The following PKD1L3 variants were observed in gnomAD, a reference collection of about 807,000 sequenced individuals.
PKD1L3 encodes the protein polycystin-1-like protein 3.
A neutral mutation model predicts 184.1 loss-of-function variants in PKD1L3; 239 were observed. The ratio of observed to expected loss-of-function variants is 1.30; its 90% CI spans 1.17 to 1.45. The LOEUF (loss-of-function observed/expected upper bound fraction) is 1.45. Ranked by LOEUF, PKD1L3 falls within the 40% of genes most tolerant of loss-of-function variation. The probability of loss-of-function intolerance (pLI) is 0.00; values close to 1 mark genes in which losing one functional copy is unlikely to be tolerated. For synonymous variants in PKD1L3, 996 were observed against 778.8 expected, an observed-to-expected ratio of 1.28 and a Z score of -4.64; for missense variants, 2,660 against 2,067.2, an observed-to-expected ratio of 1.29 and a Z score of -5.56.
At chr16:71,950,088 G>A (rs1415235471) in intron 20 of PKD1L3, 30 bp downstream of exon 20, 37 of 1,548,672 alleles carry the variant, frequency 2.4e-5, no homozygotes, top group Non-Finnish European at 3.1e-5. Context: ...AGATTACAGG[G>A]GATAAAGAAG....
At chr16:71,981,150 C>T (rs2040134692) in intron 7 of PKD1L3, among the ~76,000 whole-genome samples, 1 of 152,182 alleles carries the variant, frequency 6.6e-6, no homozygotes, top group Admixed American at 6.5e-5. Context: ...GTTATCTCCA[C>T]TTTTTGGCTA....
In PKD1L3 at chr16:71,935,397, T is replaced by C. The variant is rs1368540312; in HGVS notation, c.4574A>G (p.His1525Arg). ...GCGGTATCGTGCCATGTTTTTCTTA[T>C]GTAGAGAAATACTCTTCATGTCAAG... is the stretch of plus-strand genomic sequence containing the variant. The part of the protein sequence containing the change: ...LGLDMKSISL[H>R]KKNMARYRDD... Residue 1525 changes from histidine to arginine, a missense_variant, in exon 26 of 30, where the codon CAT (histidine) becomes CGT (arginine). Transcript: ENST00000620267. 1.0e-5 allele frequency: 16 copies of C among 1,551,846 alleles called. No individual in the cohort carries two copies. The highest frequency in any genetic ancestry group is 3.3e-4 in the Middle Eastern group (2 of 5,992).
intron 10 of PKD1L3, 24 bp from the exon 11 acceptor site, chr16:71,977,491 T>G (rs1012615157): frequency 2.0e-6 from 3 of 1,491,090 alleles, no homozygotes; most frequent in Non-Finnish European, 2.7e-6. Context: ...CAGTTAATCA[T>G]TATAATGGTC....
chr16:71,988,888 G>A (rs1343546642), intron 4 of PKD1L3, among the ~76,000 whole-genome samples: 1 of 152,208 alleles, frequency 6.6e-6, no homozygotes, highest in Non-Finnish European at 1.5e-5. Flanking sequence ...TAAAAGATAA[G>A]CGTTATCTTA....
At chr16:71,986,075 G>T in intron 5 of PKD1L3, 146 bp downstream of exon 5, 1 of 1,057,112 alleles carries the variant, frequency 9.5e-7, no homozygotes, top group Non-Finnish European at 1.3e-6. Context: ...CTGTTTCCAT[G>T]GACTTGTTTA....
rs778745189 is a variant in PKD1L3, at chr16:71,963,247, C to A, written c.2570G>T (p.Arg857Leu). Reference protein sequence around the residue: ...AVDLGDCELDRVFIPVSKREL... With the variant: ...AVDLGDCELDLVFIPVSKREL... ...TCTCTTTGAAACTGGGATGAAGACCCGGTCAAGCTCACAGTCTCCGAGGTC... is the reference window on the plus strand; with the variant it reads ...TCTCTTTGAAACTGGGATGAAGACCAGGTCAAGCTCACAGTCTCCGAGGTC... The change falls in exon 16 of 30, where the codon CGG becomes CTG. Residue 857 changes from arginine to leucine, a missense_variant. Transcript: ENST00000620267. 3 of 1,550,824 alleles carry A rather than the reference C, an allele frequency of 1.9e-6. No homozygotes were observed. The highest frequency in any genetic ancestry group is 2.6e-6 in the Non-Finnish European group (3 of 1,146,546).
chr16:71,958,946 G>C (rs1211158335), intron 16 of PKD1L3, among the ~76,000 whole-genome samples: 2 of 151,028 alleles, frequency 1.3e-5, no homozygotes, highest in African/African-American at 4.9e-5. Context: ...AATTAGCCAG[G>C]CATGGCAGCG....
intron 11 of PKD1L3, among the ~76,000 whole-genome samples, chr16:71,976,841 CAGG>C (rs371859409): frequency 9.9e-5 from 15 of 152,096 alleles, no homozygotes; most frequent in African/African-American, 2.4e-4. Context: ...CTCCCAGGTT[CAGG>C]ACATTTTCCT....
At chr16:71,941,384 C>A (rs1056065365) in intron 24 of PKD1L3, among the ~76,000 whole-genome samples, 1 of 151,100 alleles carries the variant, frequency 6.6e-6, no homozygotes, top group Admixed American at 6.6e-5. Flanking sequence ...TTAAATACTG[C>A]AGATATTAGA....
At chr16:71,980,180 C>T (rs979711668) in intron 7 of PKD1L3, 46 bp from the exon 8 acceptor site, 4 of 1,530,166 alleles carry the variant, frequency 2.6e-6, no homozygotes, top group African/African-American at 1.4e-5. Context: ...ACCTCAGTGT[C>T]TTATGTTAGT....
chr16:71,929,961 T>TA, intron 29 of PKD1L3, 91 bp downstream of exon 29: 1 of 1,382,644 alleles, frequency 7.2e-7, no homozygotes, highest in Non-Finnish European at 9.7e-7. Context: ...CTGTGCATTA[T>TA]AAATTATGTC....
intron 18 of PKD1L3, among the ~76,000 whole-genome samples, chr16:71,952,577 G>C (rs1220003438): frequency 1.3e-4 from 3 of 22,556 alleles, no homozygotes; most frequent in Non-Finnish European, 3.2e-4. Flanking sequence ...GCTTACGCCT[G>C]AAATCCCAGC....
chr16:71,974,666 A>G (rs946872973), intron 11 of PKD1L3, among the ~76,000 whole-genome samples: 6 of 152,234 alleles, frequency 3.9e-5, no homozygotes, highest in African/African-American at 1.4e-4. Context: ...CCTGGGCGAC[A>G]CAGTGAGCCT....
chr16:71,952,451 C>A (rs1047180822), intron 18 of PKD1L3, among the ~76,000 whole-genome samples: 3 of 150,960 alleles, frequency 2.0e-5, no homozygotes, highest in African/African-American at 4.8e-5. Flanking sequence ...GATCTCCTGA[C>A]CTCGTGATCC....
intron 11 of PKD1L3, among the ~76,000 whole-genome samples, chr16:71,974,169 T>C: frequency 6.6e-6 from 1 of 152,092 alleles, no homozygotes; most frequent in Non-Finnish European, 1.5e-5. Context: ...AACATAGAGA[T>C]AGGGCAGCTT....
intron 24 of PKD1L3, among the ~76,000 whole-genome samples, chr16:71,939,394 C>T: frequency 6.6e-6 from 1 of 152,210 alleles, no homozygotes; most frequent in East Asian, 1.9e-4. Context: ...GCAAGCAATA[C>T]TCAGGCAGAA....
Position 71,954,160 on chromosome 16 carries a change from G to T in PKD1L3, c.2754C>A (p.Val918=), listed in dbSNP as rs1398616066. 1 of 1,550,878 alleles carries T rather than the reference G, an allele frequency of 6.4e-7. No individual in the cohort carries two copies. The highest frequency in any genetic ancestry group is 2.5e-5 in the East Asian group (1 of 40,786). The part of the protein sequence containing the change: ...CCMTLLLCNM[V]INVMFWKINS... ...TTATCTTCCAGAACATAACATTGAT[G>T]ACCATGTTGCAGAGTAGCAGTGTCA... is the stretch of plus-strand genomic sequence containing the variant. The change falls in exon 17 of 30, where the codon GTC becomes GTA. Residue 918 remains valine (V), a synonymous_variant. Coordinates refer to ENST00000620267, the MANE Select transcript of PKD1L3 (RefSeq NM_181536.2).
chr16:71,943,510 C>T (rs1450721786), intron 23 of PKD1L3, among the ~76,000 whole-genome samples: 1 of 130,250 alleles, frequency 7.7e-6, no homozygotes, highest in Non-Finnish European at 1.6e-5. Flanking sequence ...TGCACTCCAG[C>T]CTGGGCAACA....
rs1214594049 is a variant in PKD1L3, at chr16:71,954,094, C to G, written c.2809+11G>C. ...TTACTACAAACAACACACATCAGGGCTCATCCATACTTTGCTCATCTCTCT... is the reference window on the plus strand; with the variant it reads ...TTACTACAAACAACACACATCAGGGGTCATCCATACTTTGCTCATCTCTCT... On this transcript the variant is annotated intron_variant, in intron 17 of 29. Coordinates refer to ENST00000620267, the MANE Select transcript of PKD1L3 (RefSeq NM_181536.2). 2 of 1,514,756 alleles carry G rather than the reference C, an allele frequency of 1.3e-6. No individual in the cohort carries two copies. The highest frequency in any genetic ancestry group is 2.8e-5 in the African/African-American group (2 of 71,196). The allele number at this position is 1,514,756 out of a possible 1,614,324, so 93.8% of individuals were successfully genotyped here.
Sources: allele counts gnomAD v4.1 joint callset (sites outside exome capture counted in the v4.1 genomes callset), GRCh38; gene constraint gnomAD v4.1.1; transcripts MANE v1.5; gene names NCBI Gene and HGNC (gene_info 2026-07-23, HGNC 2026-07-21).